The following CDA variants were observed in gnomAD, a reference collection of about 807,000 sequenced individuals.
CDA encodes cytidine deaminase.
A neutral mutation model predicts 15.0 loss-of-function variants in CDA; 7 were observed. The ratio of observed to expected loss-of-function variants is 0.47; its 90% CI spans 0.26 to 0.87. The LOEUF is 0.87. Ranked by LOEUF, CDA falls within the 40% of genes least tolerant of loss-of-function variation. The pLI is 0.15. For missense variants in CDA, 159 were observed against 182.7 expected (o/e 0.87, Z 0.75); for synonymous variants, 58 against 73.0 (o/e 0.79, Z 1.05).
At chr1:20,593,565 T>C (rs1445344824) in intron 1 of CDA, among the ~76,000 whole-genome samples, 1 of 152,116 alleles carries the variant, frequency 6.6e-6, no homozygotes, top group African/African-American at 2.4e-5. Flanking sequence ...GTCTCTGGTT[T>C]CCATTCTTTT....
At chr1:20,617,626 G>A (rs957329156) in intron 3 of CDA, among the ~76,000 whole-genome samples, 4 of 151,882 alleles carry the variant, frequency 2.6e-5, no homozygotes, top group African/African-American at 7.3e-5. Context: ...TTCCTCTTCC[G>A]CCATGGTTGT....
At chr1:20,604,819 T>G (rs75425169) in intron 1 of CDA, 109 bp from the exon 2 acceptor site, 2 of 761,606 alleles carry the variant, frequency 2.6e-6, no homozygotes, top group East Asian at 5.4e-5. Flanking sequence ...CCACCTTGTT[T>G]GGAGTAACCA....
chr1:20,592,753 G>A (rs2052559564), intron 1 of CDA, among the ~76,000 whole-genome samples: 1 of 152,218 alleles, frequency 6.6e-6, no homozygotes, highest in African/African-American at 2.4e-5. Flanking sequence ...GGAATGATCC[G>A]AGAGATATTG....
At chr1:20,590,420 A>C (rs2052537662) in intron 1 of CDA, among the ~76,000 whole-genome samples, 1 of 152,160 alleles carries the variant, frequency 6.6e-6, no homozygotes, top group South Asian at 2.1e-4. Context: ...GGCTGAGGTG[A>C]ATATTAAACA....
At chr1:20,607,075 A>T (rs1170464977) in intron 2 of CDA, among the ~76,000 whole-genome samples, 1 of 152,194 alleles carries the variant, frequency 6.6e-6, no homozygotes, top group Admixed American at 6.5e-5. Flanking sequence ...CTTCACTCAT[A>T]GTGGAGTTAA....
chr1:20,596,872 C>A (rs1378655893), intron 1 of CDA, among the ~76,000 whole-genome samples: 1 of 151,760 alleles, frequency 6.6e-6, no homozygotes, highest in Admixed American at 6.6e-5. Flanking sequence ...GCGATCCTCC[C>A]ACCTTAGCCT....
Position 20,612,452 on chromosome 1 carries a change from C to T in CDA, c.267-1390C>T, listed in dbSNP as rs533534331. Among the ~76,000 whole-genome samples the T allele has an allele frequency of 7.2e-5, 11 of 152,102 alleles. 1 individual carries two copies. The South Asian group carries it at 1.9e-3, about 26-fold the overall frequency. On this transcript the variant is annotated intron_variant, in intron 2 of 3. Transcript: ENST00000375071. Reference sequence around the variant, plus strand: ...ACCAATCGATCTTGTGACATTCCACCCCCCCACCACCGACAATGAGTCTCA... The same window carrying T: ...ACCAATCGATCTTGTGACATTCCACTCCCCCACCACCGACAATGAGTCTCA...
chr1:20,606,352 A>C (rs1042255329), intron 2 of CDA, among the ~76,000 whole-genome samples: 4 of 151,902 alleles, frequency 2.6e-5, no homozygotes, highest in Non-Finnish European at 5.9e-5. Context: ...AAAAAGCGGG[A>C]GGGACCTAAA....
chr1:20,597,419 C>T (rs1257480486), intron 1 of CDA, among the ~76,000 whole-genome samples: 3 of 152,170 alleles, frequency 2.0e-5, no homozygotes, highest in African/African-American at 4.8e-5. Flanking sequence ...CCAGGCTGGG[C>T]GACAGAGCGA....
At chr1:20,590,917 G>A (rs2052541890) in intron 1 of CDA, among the ~76,000 whole-genome samples, 1 of 152,210 alleles carries the variant, frequency 6.6e-6, no homozygotes, top group East Asian at 1.9e-4. Context: ...CAGCATGGCT[G>A]CCTTCCATCC....
chr1:20,600,986 C>T (rs1471230870), intron 1 of CDA, among the ~76,000 whole-genome samples: 1 of 152,100 alleles, frequency 6.6e-6, no homozygotes, highest in African/African-American at 2.4e-5. Flanking sequence ...GTACCCTGCC[C>T]CATATTCCAA....
At chr1:20,614,849 A>C (rs2052787143) in intron 3 of CDA, among the ~76,000 whole-genome samples, 1 of 152,148 alleles carries the variant, frequency 6.6e-6, no homozygotes, top group Non-Finnish European at 1.5e-5. Flanking sequence ...CCAAGAATAA[A>C]GGAAACTGAA....
chr1:20,594,342 C>T (rs946362889), intron 1 of CDA, among the ~76,000 whole-genome samples: 5 of 152,050 alleles, frequency 3.3e-5, no homozygotes, highest in African/African-American at 1.2e-4. Flanking sequence ...TGATGCACCT[C>T]GGGCTGGTAA....
At chr1:20,608,905 T>A (rs1416477784) in intron 2 of CDA, among the ~76,000 whole-genome samples, 1 of 152,212 alleles carries the variant, frequency 6.6e-6, no homozygotes, top group African/African-American at 2.4e-5. Context: ...CCCGGCCCCT[T>A]ACAGGGTTGT....
chr1:20,602,923 C>T (rs1318032255), intron 1 of CDA, among the ~76,000 whole-genome samples: 1 of 152,222 alleles, frequency 6.6e-6, no homozygotes, highest in Non-Finnish European at 1.5e-5. Flanking sequence ...TTCCTGCTGC[C>T]CCATCTTAAT....
intron 1 of CDA, among the ~76,000 whole-genome samples, chr1:20,603,676 G>A (rs959258150): frequency 7.2e-5 from 11 of 152,302 alleles, no homozygotes; most frequent in Middle Eastern, 6.8e-3. Context: ...GGAAGAAATA[G>A]GAAATGAATA....
intron 3 of CDA, among the ~76,000 whole-genome samples, chr1:20,615,348 G>A (rs951221855): frequency 4.0e-5 from 6 of 151,146 alleles, no homozygotes; most frequent in South Asian, 2.1e-4. Context: ...AAAACAAAAC[G>A]GTAAGCCAGG....
chr1:20,615,360 A>G (rs1262416977), intron 3 of CDA, among the ~76,000 whole-genome samples: 2 of 148,596 alleles, frequency 1.3e-5, no homozygotes, highest in East Asian at 4.2e-4. Flanking sequence ...TAAGCCAGGT[A>G]TGGTGGCTCA....
chr1:20,610,297 T>C (rs2052736786), intron 2 of CDA, among the ~76,000 whole-genome samples: 1 of 145,320 alleles, frequency 6.9e-6, no homozygotes, highest in Admixed American at 7.1e-5. Context: ...TTTATTTTTA[T>C]TTATTTATTT....
Sources: allele counts gnomAD v4.1 joint callset (sites outside exome capture counted in the v4.1 genomes callset), GRCh38; gene constraint gnomAD v4.1.1; transcripts MANE v1.5; gene names NCBI Gene and HGNC (gene_info 2026-07-23, HGNC 2026-07-21).